The following ZNF318 variants were observed in gnomAD, a reference collection of about 807,000 sequenced individuals.
ZNF318 encodes the protein endocrine regulator.
In ZNF318, 51 loss-of-function variants were observed where a neutral mutation model predicts 124.2. The observed-to-expected ratio is 0.41, with a 90% confidence interval of 0.33 to 0.52. The LOEUF is 0.52. ZNF318 is among the 20% of genes least tolerant of loss of function. The pLI is 0.23. For missense variants in ZNF318, 2,815 were observed against 2,811.2 expected (o/e 1.00, Z -0.03); for synonymous variants, 1,090 against 1,040.7 (o/e 1.05, Z -0.91).
In ZNF318 at chr6:43,354,953, T is replaced by C. The variant is rs1423186633; in HGVS notation, c.2381A>G (p.Tyr794Cys). 1.9e-6 allele frequency: 3 copies of C among 1,609,908 alleles called. No homozygotes were observed. Among genetic ancestry groups the C allele is most frequent in the African/African-American group, 2.7e-5 (2 of 74,828 alleles). The change falls in exon 4 of 10, where the codon TAC (tyrosine) becomes TGC (cysteine). Residue 794 changes from tyrosine (Y) to cysteine (C), a missense_variant. Tyr to Cys is a radical substitution (Grantham distance 194). Transcript: ENST00000361428. ...CCATCTGGAGGCTGCATATGCCATG[T>C]AGTGCCTATAGGCATCAAAAGAGGC... ...PPASFDAYRH[Y>C]MAYAASRWPM...
Position 43,338,215 on chromosome 6 carries a change from G to T in ZNF318, c.5783C>A (p.Ser1928Ter). ...EEGLENSAPE[S>*]ASRTSRYRSL... ...TCTGTACCTAGAAGTTCTAGAAGCT[G>T]ATTCTGGAGCTGAATTCTCTAGCCC... Residue 1928 changes from serine to a stop codon, truncating the protein, a stop_gained, in exon 10 of 10, where the codon TCA (serine) becomes TAA (stop). Coordinates refer to ENST00000361428, the MANE Select transcript of ZNF318 (RefSeq NM_014345.3). LOFTEE classifies it low-confidence loss of function (END_TRUNC). The T allele has an allele frequency of 6.2e-7, 1 of 1,614,114 alleles. No homozygotes were observed. The highest frequency in any genetic ancestry group is 1.1e-5 in the South Asian group (1 of 91,074).
intron 4 of ZNF318, among the ~76,000 whole-genome samples, chr6:43,353,690 G>T (rs1036115599): frequency 2.0e-5 from 3 of 152,040 alleles, no homozygotes; most frequent in African/African-American, 7.2e-5. Flanking sequence ...TAACTTTTAT[G>T]AGCAAACCAA....
rs145629243 is a variant in ZNF318, at chr6:43,339,661, G to A, written c.4337C>T (p.Pro1446Leu). 16,222 of 1,612,546 alleles carry A rather than the reference G, an allele frequency of 0.01. 102 individuals are homozygous for A. Among genetic ancestry groups the A allele is most frequent in the Non-Finnish European group, 0.012 (14,554 of 1,179,698 alleles). Residue 1446 changes from proline to leucine, a missense_variant, in exon 10 of 10, where the codon CCA becomes CTA. Coordinates refer to ENST00000361428, the MANE Select transcript of ZNF318 (RefSeq NM_014345.3). This position sits in a 1 kb window ranked among gnomAD's most constrained non-coding sequence, Gnocchi z 4.2. ...LPEQILPPPPPPPPPPPPPPP... is the reference protein window; with the variant it reads ...LPEQILPPPPLPPPPPPPPPP... ...TGGTGGAGGTGGTGGAGGTGGGGGT[G>A]GTGGAGGAGGTGGTAGTATTTGTTC...
intron 1 of ZNF318, among the ~76,000 whole-genome samples, chr6:43,365,866 C>T (rs894831900): frequency 2.0e-5 from 3 of 152,122 alleles, no homozygotes; most frequent in African/African-American, 7.2e-5. Flanking sequence ...AAATAAAGCA[C>T]TTTTTAAAAA....
chr6:43,362,213 G>A (rs1229750469), intron 2 of ZNF318, among the ~76,000 whole-genome samples: 5 of 151,902 alleles, frequency 3.3e-5, no homozygotes, highest in African/African-American at 1.2e-4. Flanking sequence ...TGTAATCCCA[G>A]CACTTTGGGA....
chr6:43,367,370 A>C (rs1779775864), intron 1 of ZNF318, among the ~76,000 whole-genome samples: 1 of 152,218 alleles, frequency 6.6e-6, no homozygotes, highest in South Asian at 2.1e-4. Flanking sequence ...GTATAAAATG[A>C]GGGCTTAAAA....
In ZNF318 at chr6:43,369,422, G is replaced by C. The variant is rs936951039; in HGVS notation, c.-57C>G. 3 of 1,150,504 alleles carry C rather than the reference G, an allele frequency of 2.6e-6. No homozygotes were observed. The highest frequency in any genetic ancestry group is 3.2e-6 in the Non-Finnish European group (3 of 934,386). The allele number at this position is 1,150,504 out of a possible 1,614,324, so 71.3% of individuals were successfully genotyped here. On this transcript the variant is annotated 5_prime_UTR_variant, in exon 1 of 10. Coordinates refer to ENST00000361428, the MANE Select transcript of ZNF318 (RefSeq NM_014345.3). Reference sequence around the variant, plus strand: ...CTGACCCGGGGGCGCCCTAGACGCAGGCTCGGAGCGCGCCGCCGCAGCTGC... The same window carrying C: ...CTGACCCGGGGGCGCCCTAGACGCACGCTCGGAGCGCGCCGCCGCAGCTGC...
Position 43,340,185 on chromosome 6 carries a change from A to T in ZNF318, c.3813T>A (p.Ser1271=), listed in dbSNP as rs140244545. 1.4e-4 allele frequency: 231 copies of T among 1,614,168 alleles called. No homozygotes were observed. The highest frequency in any genetic ancestry group is 1.1e-3 in the African/African-American group (79 of 75,048). ...TCTTCCAGCTGAATTTCCCAAAAGAAGATGATGTTGGTGATTCCTTCTTTA... is the reference window on the plus strand; with the variant it reads ...TCTTCCAGCTGAATTTCCCAAAAGATGATGATGTTGGTGATTCCTTCTTTA... ...EEVKKESPTS[S]SFGKFSWKKP... Residue 1271 remains serine (S), a synonymous_variant, in exon 10 of 10, where the codon TCT becomes TCA. Coordinates refer to ENST00000361428, the MANE Select transcript of ZNF318 (RefSeq NM_014345.3).
chr6:43,369,592 C>A lies in ZNF318; in HGVS notation c.-227G>T. 1 of 157,274 alleles carries A rather than the reference C, an allele frequency of 6.4e-6. No homozygotes were observed. The highest frequency in any genetic ancestry group is 1.4e-5 in the Non-Finnish European group (1 of 72,700). The allele number at this position is 157,274 out of a possible 1,614,324, so 9.7% of individuals were successfully genotyped here. A position where few individuals can be genotyped will look rare whatever the true frequency, so the allele number is the denominator to read the frequency against. ...CGCGAGCACGCGTCCGACACACCCC[C>A]CCCCGCCTCCGGGGTTCCCCGCTCC... On this transcript the variant is annotated 5_prime_UTR_variant, in exon 1 of 10. Transcript: ENST00000361428.
At chr6:43,360,274 G>T (rs1779663184) in intron 2 of ZNF318, among the ~76,000 whole-genome samples, 2 of 152,162 alleles carry the variant, frequency 1.3e-5, no homozygotes, top group Non-Finnish European at 2.9e-5. Flanking sequence ...CATAAAAACA[G>T]TTTTCTTAAA....
At chr6:43,345,800 A>G (rs1229903794) in intron 6 of ZNF318, among the ~76,000 whole-genome samples, 3 of 152,216 alleles carry the variant, frequency 2.0e-5, no homozygotes, top group African/African-American at 7.2e-5. Flanking sequence ...ACAAAGATAA[A>G]AAAGATTCCT....
chr6:43,356,109 C>A lies in ZNF318; in HGVS notation c.1225G>T (p.Asp409Tyr), dbSNP rs1011374263. Residue 409 changes from aspartate to tyrosine, a missense_variant, in exon 4 of 10, where the codon GAT becomes TAT. Asp to Tyr is a radical substitution (Grantham distance 160, BLOSUM62 -3). Around this residue, in one of 4 missense-constraint regions of ZNF318, gnomAD observed 1,377 missense variants for 1,353.5 expected, o/e 1.02. Coordinates refer to ENST00000361428, the MANE Select transcript of ZNF318 (RefSeq NM_014345.3). ...GGGTGCCCAGAGTAGAGAGGGTGAT[C>A]CTGGCTGGAGCTGGTACTGCTGGAA... is the stretch of plus-strand genomic sequence containing the variant. Reference protein sequence around the residue: ...SFSSSTSSSQDHPLYSGHPSL... With the variant: ...SFSSSTSSSQYHPLYSGHPSL... 3 of 1,613,788 alleles carry A rather than the reference C, an allele frequency of 1.9e-6. No individual in the cohort carries two copies. Among genetic ancestry groups the A allele is most frequent in the South Asian group, 2.2e-5 (2 of 91,060 alleles).
chr6:43,352,498 G>C, intron 4 of ZNF318, 22 bp from the exon 5 acceptor site: 1 of 1,598,570 alleles, frequency 6.3e-7, no homozygotes. Context: ...AAAGTGGTAA[G>C]AGAGTCCATC....
intron 3 of ZNF318, 25 bp downstream of exon 3, chr6:43,357,101 G>A (rs916036885): frequency 2.5e-6 from 4 of 1,582,460 alleles, no homozygotes; most frequent in Non-Finnish European, 3.4e-6. Context: ...CTAGCAAGAG[G>A]CCCTACAAGA....
chr6:43,368,825 C>T (rs1779795223), intron 1 of ZNF318, 142 bp downstream of exon 1: 1 of 1,234,514 alleles, frequency 8.1e-7, no homozygotes, highest in Admixed American at 4.2e-5. Flanking sequence ...CAGAAGCCTC[C>T]AGGCTCGGCA....
At chr6:43,362,756 AG>A (rs1258035380) in intron 2 of ZNF318, among the ~76,000 whole-genome samples, 1 of 152,028 alleles carries the variant, frequency 6.6e-6, no homozygotes, top group Non-Finnish European at 1.5e-5. Context: ...GGCCCACCTC[AG>A]CCTCCCAAAG....
At chr6:43,343,245 A>G (rs931344755) in intron 6 of ZNF318, among the ~76,000 whole-genome samples, 1 of 152,200 alleles carries the variant, frequency 6.6e-6, no homozygotes, top group Non-Finnish European at 1.5e-5. Context: ...TAAATGTTGA[A>G]TATGTTACCT....
At position 43,361,948 on chromosome 6, in the gene ZNF318, G is replaced by A. The variant is rs1441821525; in HGVS notation, c.548+3344C>T. ...AGGCAGGAGGGTCACTTGAGCTCAGGAGTTTGAAACCAGCCTAGGCAACAC... is the reference window on the plus strand; with the variant it reads ...AGGCAGGAGGGTCACTTGAGCTCAGAAGTTTGAAACCAGCCTAGGCAACAC... On this transcript the variant is annotated intron_variant, in intron 2 of 9. Coordinates refer to ENST00000361428, the MANE Select transcript of ZNF318 (RefSeq NM_014345.3). Among the ~76,000 whole-genome samples, 4 of 152,148 alleles carry A rather than the reference G, an allele frequency of 2.6e-5. No homozygotes were observed. In the South Asian group the frequency reaches 6.2e-4, roughly 24 times the overall value.
chr6:43,355,276 G>A lies in ZNF318; in HGVS notation c.2058C>T (p.Thr686=), dbSNP rs777770390. The change falls in exon 4 of 10, where the codon ACC becomes ACT. Residue 686 remains threonine, a synonymous_variant. Transcript: ENST00000361428. ...GTGGATGGGACACCTCTGGAGAGTG[G>A]GTATTGCTATGATGTGCCTCCCTGC... The part of the protein sequence containing the change: ...LESREAHHSN[T]HSPEVSHPHP... The A allele has an allele frequency of 4.3e-6, 7 of 1,614,182 alleles. No individual in the cohort carries two copies. The South Asian group carries it at 4.4e-5, about 10-fold the overall frequency.
Sources: allele counts gnomAD v4.1 joint callset (sites outside exome capture counted in the v4.1 genomes callset), GRCh38; gene constraint gnomAD v4.1.1; regional missense constraint gnomAD v4.1.1; non-coding constraint Gnocchi (gnomAD v3.1); transcripts MANE v1.5; gene names NCBI Gene and HGNC (gene_info 2026-07-23, HGNC 2026-07-21).